The following ACTN4 variants were observed in gnomAD, a reference collection of about 807,000 sequenced individuals.
ACTN4 encodes actinin alpha 4, also known as alpha-actinin-4.
ACTN4 carries 18 observed loss-of-function variants against 114.2 expected under a neutral mutation model. The ratio of observed to expected loss-of-function variants is 0.16; its 90% CI spans 0.11 to 0.23. The LOEUF is 0.23. ACTN4 is among the 10% of genes least tolerant of loss of function. The probability of loss-of-function intolerance (pLI) is 1.00; values close to 1 mark genes in which losing one functional copy is unlikely to be tolerated. For synonymous variants in ACTN4, 515 were observed against 506.3 expected, an observed-to-expected ratio of 1.02 and a Z score of -0.23; for missense variants, 722 against 1,262.9, an observed-to-expected ratio of 0.57 and a Z score of 6.49.
chr19:38,668,832 G>T (rs1242197135), intron 1 of ACTN4, among the ~76,000 whole-genome samples: 2 of 152,154 alleles, frequency 1.3e-5, no homozygotes, highest in South Asian at 4.1e-4. Context: ...CGCCTTCATG[G>T]GTTTGAAAAG....
chr19:38,727,886 C>A lies in ACTN4; in HGVS notation c.2338-60C>A. On this transcript the variant is annotated intron_variant, in intron 18 of 20. Transcript: ENST00000252699. The surrounding 1 kb of genome is among the most constrained non-coding windows in gnomAD (Gnocchi z 5.4). ...CCTGCCCTCTGCATGTGACCCCGAT[C>A]CCTCATCCTGGTCTCCACGCCGCCC... 1.3e-6 allele frequency: 2 copies of A among 1,532,050 alleles called. No homozygotes were observed. Among genetic ancestry groups the A allele is most frequent in the South Asian group, 1.1e-5 (1 of 87,710 alleles). The allele number at this position is 1,532,050 out of a possible 1,614,324, so 94.9% of individuals were successfully genotyped here.
chr19:38,656,544 T>A (rs1047124869), intron 1 of ACTN4, among the ~76,000 whole-genome samples: 1 of 152,204 alleles, frequency 6.6e-6, no homozygotes, highest in Non-Finnish European at 1.5e-5. Flanking sequence ...CTTCCAAATA[T>A]CAGAGCAGAA....
At chr19:38,659,060 C>CTTTTTTTT (rs1271131570) in intron 1 of ACTN4, among the ~76,000 whole-genome samples, 2 of 62,198 alleles carry the variant, frequency 3.2e-5, no homozygotes, top group African/African-American at 9.4e-5. Context: ...TTCTTCTTTT[C>CTTTTTTTT]TTTTCTTTTT....
chr19:38,671,346 C>T (rs1171322161), intron 1 of ACTN4, among the ~76,000 whole-genome samples: 1 of 152,322 alleles, frequency 6.6e-6, no homozygotes, highest in East Asian at 1.9e-4. Flanking sequence ...CCCAAAGCAA[C>T]ACTTTTCTAC....
chr19:38,681,131 A>G (rs889073114), intron 1 of ACTN4, among the ~76,000 whole-genome samples: 8 of 84,936 alleles, frequency 9.4e-5, no homozygotes, highest in Non-Finnish European at 1.3e-4. Flanking sequence ...AATCTCTAGA[A>G]AAAAAAAAAA....
chr19:38,684,443 C>A (rs540850646), intron 1 of ACTN4, among the ~76,000 whole-genome samples: 1 of 152,190 alleles, frequency 6.6e-6, no homozygotes, highest in Non-Finnish European at 1.5e-5. Flanking sequence ...GGTCCCCCAC[C>A]CCCTGCAGGA....
In ACTN4 at chr19:38,647,913, C is replaced by T. The variant is rs181837409; in HGVS notation, c.162+6C>T. On this transcript the variant is annotated splice_donor_region_variant and intron_variant, in intron 1 of 20. Coordinates refer to ENST00000252699, the MANE Select transcript of ACTN4 (RefSeq NM_004924.6). The stretch of plus-strand genomic sequence containing the variant: ...GGGAGAAGCAGCAGCGCAAGGTGCG[C>T]GGCCCGCGGGCCGGACGGGCTGGAG... The T allele has an allele frequency of 6.5e-5, 91 of 1,392,982 alleles. No homozygotes were observed. The East Asian group carries it at 1.7e-3, about 26-fold the overall frequency. 86.3% of individuals were successfully genotyped at this position (1,392,982 alleles called of 1,614,324 possible).
chr19:38,686,128 G>A (rs1478884113), intron 1 of ACTN4, among the ~76,000 whole-genome samples: 1 of 152,202 alleles, frequency 6.6e-6, no homozygotes, highest in South Asian at 2.1e-4. Context: ...GGACGGGTGT[G>A]TAGCACTTGC....
intron 13 of ACTN4, 72 bp from the exon 14 acceptor site, chr19:38,723,865 C>T: frequency 6.4e-7 from 1 of 1,561,430 alleles, no homozygotes; most frequent in Non-Finnish European, 8.8e-7. Context: ...CTCTGGACCC[C>T]TCCCCACCCC....
At chr19:38,715,774 G>C (rs919735822) in intron 9 of ACTN4, among the ~76,000 whole-genome samples, 1 of 152,202 alleles carries the variant, frequency 6.6e-6, no homozygotes, top group Non-Finnish European at 1.5e-5. Context: ...CTGGCAGCAC[G>C]CCTCACAATG....
At position 38,729,428 on chromosome 19, in the gene ACTN4, T is replaced by C. The variant is rs768544485; in HGVS notation, c.2732T>C (p.Leu911Pro). Residue 911 changes from leucine to proline, a missense_variant, in exon 21 of 21, where the codon CTG becomes CCG. Coordinates refer to ENST00000252699, the MANE Select transcript of ACTN4 (RefSeq NM_004924.6). ...FSTALYGESD[L>P] ...ACGGCCTTGTATGGCGAGAGCGACC[T>C]GTGAGGCCCCAGAGACCTGACCCAA... The C allele has an allele frequency of 6.2e-7, 1 of 1,612,718 alleles. No homozygotes were observed. Among genetic ancestry groups the C allele is most frequent in the Non-Finnish European group, 8.5e-7 (1 of 1,179,940 alleles).
chr19:38,671,986 A>G (rs541586136), intron 1 of ACTN4, among the ~76,000 whole-genome samples: 5 of 152,282 alleles, frequency 3.3e-5, no homozygotes, highest in Admixed American at 2.0e-4. Flanking sequence ...ACTGCTCTCC[A>G]TGGATGGAAA....
At position 38,729,435 on chromosome 19, in the gene ACTN4, C is replaced by T. The variant is rs751335043; in HGVS notation, c.*3C>T. On this transcript the variant is annotated 3_prime_UTR_variant, in exon 21 of 21. Coordinates refer to ENST00000252699, the MANE Select transcript of ACTN4 (RefSeq NM_004924.6). Reference sequence around the variant, plus strand: ...TGTATGGCGAGAGCGACCTGTGAGGCCCCAGAGACCTGACCCAACACCCCC... The same window carrying T: ...TGTATGGCGAGAGCGACCTGTGAGGTCCCAGAGACCTGACCCAACACCCCC... The T allele has an allele frequency of 4.1e-5, 66 of 1,612,622 alleles. No individual in the cohort carries two copies. Among genetic ancestry groups the T allele is most frequent in the Non-Finnish European group, 5.3e-5 (63 of 1,179,962 alleles).
intron 1 of ACTN4, among the ~76,000 whole-genome samples, chr19:38,676,524 G>A (rs1287753892): frequency 3.3e-5 from 5 of 152,234 alleles, no homozygotes; most frequent in Non-Finnish European, 5.9e-5. Flanking sequence ...AGAGTGCACG[G>A]GAGGAGGCTT....
In ACTN4 at chr19:38,729,056, A is replaced by T. The variant is rs1394441917; in HGVS notation, c.2479A>T (p.Thr827Ser). ...CGACCCCAACCATAGCGGCCTTGTGACCTTCCAAGCCTTCATCGACTTCAT... is the reference window on the plus strand; with the variant it reads ...CGACCCCAACCATAGCGGCCTTGTGTCCTTCCAAGCCTTCATCGACTTCAT... The part of the protein sequence containing the change: ...LVDPNHSGLV[T>S]FQAFIDFMSR... Residue 827 changes from threonine to serine, a missense_variant, in exon 20 of 21, where the codon ACC becomes TCC. Thr to Ser is a moderately conservative substitution (Grantham distance 58, BLOSUM62 1). Coordinates refer to ENST00000252699, the MANE Select transcript of ACTN4 (RefSeq NM_004924.6). 1.2e-6 allele frequency: 2 copies of T among 1,613,240 alleles called. No homozygotes were observed. Among genetic ancestry groups the T allele is most frequent in the Non-Finnish European group, 1.7e-6 (2 of 1,179,998 alleles).
chr19:38,691,406 AAAAAAAAACAAAAAAAAC>A (rs947259111), intron 1 of ACTN4, among the ~76,000 whole-genome samples: 1 of 147,874 alleles, frequency 6.8e-6, no homozygotes, highest in East Asian at 2.0e-4. Flanking sequence ...CGTCTCAAAA[AAAAAAAAACAAAAAAAAC>A]AAAAAAAAAA....
intron 11 of ACTN4, chr19:38,718,356 G>A: frequency 1.9e-6 from 1 of 534,458 alleles, no homozygotes; most frequent in South Asian, 1.8e-5. Flanking sequence ...GCGAGACCCT[G>A]CCTATACAAA....
intron 1 of ACTN4, among the ~76,000 whole-genome samples, chr19:38,694,846 GC>G (rs949596500): frequency 5.3e-5 from 8 of 151,978 alleles, no homozygotes; most frequent in Non-Finnish European, 8.8e-5. Context: ...AATATGTCAT[GC>G]CCCCCGCACC....
At chr19:38,692,516 C>T (rs1967962777) in intron 1 of ACTN4, among the ~76,000 whole-genome samples, 1 of 152,370 alleles carries the variant, frequency 6.6e-6, no homozygotes, top group South Asian at 2.1e-4. Flanking sequence ...CACGGGCCCC[C>T]TTGCCAGGGC....
Sources: allele counts gnomAD v4.1 joint callset (sites outside exome capture counted in the v4.1 genomes callset), GRCh38; gene constraint gnomAD v4.1.1; non-coding constraint Gnocchi (gnomAD v3.1); transcripts MANE v1.5; gene names NCBI Gene and HGNC (gene_info 2026-07-23, HGNC 2026-07-21).